PELI3: variants seen among roughly 807,000 people sequenced by gnomAD.
PELI3 encodes pellino E3 ubiquitin protein ligase family member 3.
In PELI3, 19 loss-of-function variants were observed where a neutral mutation model predicts 35.5. The ratio of observed to expected loss-of-function variants is 0.54; its 90% confidence interval spans 0.37 to 0.79. The LOEUF is 0.79. PELI3 is among the 30% of genes least tolerant of loss of function. PELI3 has a pLI of 0.00. For synonymous variants in PELI3, 262 were observed against 279.2 expected, an observed-to-expected ratio of 0.94 and a Z score of 0.62; for missense variants, 490 against 661.2, an observed-to-expected ratio of 0.74 and a Z score of 2.84.
intron 2 of PELI3, 27 bp from the exon 3 acceptor site, chr11:66,468,806 C>T: frequency 1.3e-6 from 1 of 778,290 alleles, no homozygotes; most frequent in Non-Finnish European, 2.4e-6. Context: ...CTTTCATGGA[C>T]ATTATTTCAT....
At chr11:66,469,759 T>C (rs1466667204) in intron 3 of PELI3, among the ~76,000 whole-genome samples, 1 of 150,450 alleles carries the variant, frequency 6.6e-6, no homozygotes, top group Non-Finnish European at 1.5e-5. Context: ...GCCTACAGAA[T>C]CACAGTCGCA....
chr11:66,471,644 A>G (rs1407113496), intron 4 of PELI3, among the ~76,000 whole-genome samples: 6 of 151,862 alleles, frequency 4.0e-5, no homozygotes, highest in Non-Finnish European at 4.4e-5. Flanking sequence ...TTTCCATCCA[A>G]TGGAAATGGA....
At chr11:66,470,602 C>T (rs557187471) in intron 3 of PELI3, among the ~76,000 whole-genome samples, 1 of 152,244 alleles carries the variant, frequency 6.6e-6, no homozygotes, top group African/African-American at 2.4e-5. Context: ...CTCTGTGCCT[C>T]TCACAGCCAT....
At position 66,475,615 on chromosome 11, in the gene PELI3, C is replaced by T. The variant is rs141117623; in HGVS notation, c.858C>T (p.Asn286=). The T allele has an allele frequency of 2.9e-5, 47 of 1,612,248 alleles. No individual in the cohort carries two copies. The African/African-American group carries it at 4.4e-4, about 15-fold the overall frequency. Residue 286 remains asparagine (N), a synonymous_variant, in exon 8 of 8, where the codon AAC becomes AAT. Transcript: ENST00000320740. ...TCTGGCAGGTGGAAAACGAGTCCAACGTGCTGCAGGACGGCTCTCTCATCG... is the reference window on the plus strand; with the variant it reads ...TCTGGCAGGTGGAAAACGAGTCCAATGTGCTGCAGGACGGCTCTCTCATCG... ...QRGKLVENES[N]VLQDGSLIDL... is the part of the protein sequence containing the mutation.
At position 66,473,171 on chromosome 11, in the gene PELI3, T is replaced by A; in HGVS notation, c.457-70T>A. ...TTGCATACAGAGCAGCTGCTGGTAC[T>A]CTGGGAGGGAAGGCCCATGAGAGTC... On this transcript the variant is annotated intron_variant, in intron 5 of 7. Transcript: ENST00000320740. This position sits in a 1 kb window ranked among gnomAD's most constrained non-coding sequence, Gnocchi z 5.8. 7.0e-7 allele frequency: 1 copy of A among 1,436,662 alleles called. No homozygotes were observed. The highest frequency in any genetic ancestry group is 9.4e-7 in the Non-Finnish European group (1 of 1,063,024). The allele number at this position is 1,436,662 out of a possible 1,614,324, so 89.0% of individuals were successfully genotyped here.
In PELI3 at chr11:66,473,911, C is replaced by A; in HGVS notation, c.826C>A (p.Gln276Lys). 6.2e-7 allele frequency: 1 copy of A among 1,613,332 alleles called. No homozygotes were observed. The highest frequency in any genetic ancestry group is 8.5e-7 in the Non-Finnish European group (1 of 1,180,000). ...ATTGCGGGACAGCCGCTCAGCCCAGCAGCGGGGCAAGCTGGTAGGTGGCCC... is the reference window on the plus strand; with the variant it reads ...ATTGCGGGACAGCCGCTCAGCCCAGAAGCGGGGCAAGCTGGTAGGTGGCCC... ...YTLRDSRSAQ[Q>K]RGKLVENESN... Residue 276 changes from glutamine to lysine, a missense_variant, in exon 7 of 8, where the codon CAG (glutamine) becomes AAG (lysine). Gln to Lys is a moderately conservative substitution (Grantham distance 53). Transcript: ENST00000320740. The surrounding 1 kb of genome is among the most constrained non-coding windows in gnomAD (Gnocchi z 5.8).
At position 66,468,335 on chromosome 11, in the gene PELI3, C is replaced by CAGAA; in HGVS notation, c.152+56_152+59dup. The CAGAA allele has an allele frequency of 6.4e-6, 9 of 1,406,230 alleles. No homozygotes were observed. The Middle Eastern group carries it at 5.9e-4, about 91-fold the overall frequency. 87.1% of individuals were successfully genotyped at this position (1,406,230 alleles called of 1,614,324 possible). A position where few individuals can be genotyped will look rare whatever the true frequency, so the allele number is the denominator to read the frequency against. On this transcript the variant is annotated intron_variant, in intron 2 of 7. Coordinates refer to ENST00000320740, the MANE Select transcript of PELI3 (RefSeq NM_145065.3). The stretch of plus-strand genomic sequence containing the variant: ...GCACCAGACACCCACCCAACGCAGC[C>CAGAA]AGAACAAGGGCCCGACCCCTCCTCC...
intron 1 of PELI3, 122 bp from the exon 2 acceptor site, chr11:66,468,006 A>T (rs1181395053): frequency 8.1e-7 from 1 of 1,242,142 alleles, no homozygotes; most frequent in Non-Finnish European, 1.1e-6. Context: ...TTGCCATAGC[A>T]GTAGAGGCGG....
At position 66,476,299 on chromosome 11, in the gene PELI3, T is replaced by A; in HGVS notation, c.*132T>A. On this transcript the variant is annotated 3_prime_UTR_variant, in exon 8 of 8. Coordinates refer to ENST00000320740, the MANE Select transcript of PELI3 (RefSeq NM_145065.3). ...CACCAGATGGACATGTTGGATGGGC[T>A]GTGCCCTTCCCCCCAACTGTGGCCC... The A allele has an allele frequency of 1.9e-6, 2 of 1,036,062 alleles. No homozygotes were observed. The highest frequency in any genetic ancestry group is 2.7e-6 in the Non-Finnish European group (2 of 733,816). The allele number at this position is 1,036,062 out of a possible 1,614,324, so 64.2% of individuals were successfully genotyped here. A position where few individuals can be genotyped will look rare whatever the true frequency, so the allele number is the denominator to read the frequency against.
chr11:66,466,899 C>T (rs1452967659), upstream of PELI3: 5 of 151,880 alleles, frequency 3.3e-5, no homozygotes, highest in East Asian at 1.9e-4. Flanking sequence ...TCCCCCGGCC[C>T]TGGGTGTCCC....
intron 7 of PELI3, chr11:66,474,167 C>T (rs973146672): frequency 3.1e-5 from 21 of 676,116 alleles, no homozygotes; most frequent in East Asian, 8.1e-5. Flanking sequence ...GGGGGTGATG[C>T]GATCAAGGCA....
At chr11:66,474,349 C>T (rs1854829226) in intron 7 of PELI3, 2 of 486,116 alleles carry the variant, frequency 4.1e-6, no homozygotes, top group Non-Finnish European at 7.2e-6. Flanking sequence ...CACTGTTCTC[C>T]TCTCGCAGGA....
In PELI3 at chr11:66,473,120, C is replaced by A; in HGVS notation, c.457-121C>A. 1 of 1,013,714 alleles carries A rather than the reference C, an allele frequency of 9.9e-7. No homozygotes were observed. The highest frequency in any genetic ancestry group is 1.4e-6 in the Non-Finnish European group (1 of 722,030). 62.8% of individuals were successfully genotyped at this position (1,013,714 alleles called of 1,614,324 possible). A position where few individuals can be genotyped will look rare whatever the true frequency, so the allele number is the denominator to read the frequency against. ...AGTTGGTGCTGCCCCTTCTCCAGGG[C>A]CTGGCAGCCTCCTTTTTTGGTGACC... On this transcript the variant is annotated intron_variant, in intron 5 of 7. Coordinates refer to ENST00000320740, the MANE Select transcript of PELI3 (RefSeq NM_145065.3). This position sits in a 1 kb window ranked among gnomAD's most constrained non-coding sequence, Gnocchi z 5.8.
In PELI3 at chr11:66,468,187, G is replaced by A. The variant is rs1485914310; in HGVS notation, c.59G>A (p.Arg20Gln). ...CCCCGAACCTCAGACCTCCAGCACC[G>A]GGGGAACAAGGGCTCTTGCGTTCTC... is the stretch of plus-strand genomic sequence containing the variant. ...GSPRTSDLQH[R>Q]GNKGSCVLSS... Residue 20 changes from arginine (R) to glutamine (Q), a missense_variant, in exon 2 of 8, where the codon CGG becomes CAG. Around this residue, in one of 3 missense-constraint regions of PELI3, gnomAD observed 137 missense variants for 157.1 expected, o/e 0.87. Transcript: ENST00000320740. 1.9e-6 allele frequency: 3 copies of A among 1,606,486 alleles called. No individual in the cohort carries two copies. Among genetic ancestry groups the A allele is most frequent in the East Asian group, 2.3e-5 (1 of 43,944 alleles).
At chr11:66,470,341 T>C (rs1342083394) in intron 3 of PELI3, among the ~76,000 whole-genome samples, 3 of 152,192 alleles carry the variant, frequency 2.0e-5, no homozygotes, top group African/African-American at 7.2e-5. Context: ...GGCCCTTTGC[T>C]TAGGGTGAGC....
rs901883138 is a variant in PELI3, at chr11:66,467,865, A to C, written c.-1-263A>C. Among the ~76,000 whole-genome samples, 5 of 152,190 alleles carry C rather than the reference A, an allele frequency of 3.3e-5. No homozygotes were observed. Among genetic ancestry groups the C allele is most frequent in the African/African-American group, 1.2e-4 (5 of 41,458 alleles). On this transcript the variant is annotated intron_variant, in intron 1 of 7. Coordinates refer to ENST00000320740, the MANE Select transcript of PELI3 (RefSeq NM_145065.3). The surrounding 1 kb of genome is among the most constrained non-coding windows in gnomAD (Gnocchi z 4.2). ...TCCCAGACTGGGATCTTGGCCAAAA[A>C]GCAGCCTCTGGCCACCCCAAGTTGG...
chr11:66,469,236 G>A (rs1202250058), intron 3 of PELI3, among the ~76,000 whole-genome samples: 1 of 143,996 alleles, frequency 6.9e-6, no homozygotes, highest in Non-Finnish European at 1.5e-5. Context: ...ATGGCTGTTT[G>A]TTGACACATG....
chr11:66,468,029 CT>C, intron 1 of PELI3, 98 bp from the exon 2 acceptor site: 1 of 1,426,102 alleles, frequency 7.0e-7, no homozygotes, highest in Non-Finnish European at 9.3e-7. Context: ...AAAGGTCACC[CT>C]TGCCTTAGCC....
Position 66,476,444 on chromosome 11 carries a change from C to A in PELI3, c.*277C>A. 2.0e-6 allele frequency: 1 copy of A among 500,184 alleles called. No homozygotes were observed. Among genetic ancestry groups the A allele is most frequent in the East Asian group, 3.6e-5 (1 of 28,076 alleles). 31.0% of individuals were successfully genotyped at this position (500,184 alleles called of 1,614,324 possible). On this transcript the variant is annotated 3_prime_UTR_variant, in exon 8 of 8. Transcript: ENST00000320740. ...TGGCCTTGCCCTTCCTGGGGCATCC[C>A]ACATCGTGCCGCCGACACTGTGTGC...
Sources: allele counts gnomAD v4.1 joint callset (sites outside exome capture counted in the v4.1 genomes callset), GRCh38; gene constraint gnomAD v4.1.1; regional missense constraint gnomAD v4.1.1; non-coding constraint Gnocchi (gnomAD v3.1); transcripts MANE v1.5; gene names NCBI Gene and HGNC (gene_info 2026-07-23, HGNC 2026-07-21).